The following GNG4 variants were observed in gnomAD, a reference collection of about 807,000 sequenced individuals.
GNG4 encodes guanine nucleotide-binding protein G(I)/G(S)/G(O) subunit gamma-4.
GNG4 carries 4 observed loss-of-function variants against 5.8 expected under a neutral mutation model. That is an observed-to-expected ratio of 0.69 (90% CI 0.34 to 1.57). The LOEUF (loss-of-function observed/expected upper bound fraction) is 1.57, where lower values mean the gene tolerates loss of function less well. Among genes scored for constraint, GNG4 ranks in the 40% most tolerant of loss-of-function variants. The pLI is 0.06. For missense variants in GNG4, 96 were observed against 95.1 expected (o/e 1.01, Z -0.04); for synonymous variants, 29 against 32.9 (o/e 0.88, Z 0.41).
chr1:235,571,462 C>G (rs1301356626), intron 3 of GNG4, among the ~76,000 whole-genome samples: 1 of 152,194 alleles, frequency 6.6e-6, no homozygotes, highest in African/African-American at 2.4e-5. Flanking sequence ...CAGAACAACG[C>G]GTATTAAGCA....
At chr1:235,587,439 TGAGC>T (rs1687812080) in intron 2 of GNG4, among the ~76,000 whole-genome samples, 8 of 18,130 alleles carry the variant, frequency 4.4e-4, no homozygotes, top group Non-Finnish European at 7.8e-4. Context: ...TGAGGGTGGG[TGAGC>T]GTGTGTGAGG....
chr1:235,593,642 G>A (rs1688043737), intron 2 of GNG4, among the ~76,000 whole-genome samples: 1 of 152,172 alleles, frequency 6.6e-6, no homozygotes, highest in African/African-American at 2.4e-5. Context: ...TACTGCTGAT[G>A]TTCGGATATG....
chr1:235,602,902 C>G (rs1451371940), intron 1 of GNG4, among the ~76,000 whole-genome samples: 2 of 152,126 alleles, frequency 1.3e-5, no homozygotes, highest in Non-Finnish European at 2.9e-5. Flanking sequence ...GAGTTGACAT[C>G]TTGGCATTCC....
intron 1 of GNG4, among the ~76,000 whole-genome samples, chr1:235,622,873 C>CAAAAA (rs59428350): frequency 3.0e-5 from 2 of 66,672 alleles, no homozygotes; most frequent in Non-Finnish European, 4.9e-5. Context: ...GACTCCATCT[C>CAAAAA]AAAAAAAAAA....
chr1:235,592,160 C>T (rs372027151), intron 2 of GNG4, among the ~76,000 whole-genome samples: 11 of 152,302 alleles, frequency 7.2e-5, no homozygotes, highest in African/African-American at 2.6e-4. Flanking sequence ...GCACAGAGAC[C>T]TCAGATGAGG....
At chr1:235,635,781 A>C (rs1340428561) in intron 1 of GNG4, among the ~76,000 whole-genome samples, 3 of 152,204 alleles carry the variant, frequency 2.0e-5, no homozygotes, top group Non-Finnish European at 4.4e-5. Flanking sequence ...TCAGTAACAT[A>C]CTTAAATTCA....
At chr1:235,608,535 C>A (rs1688410966) in intron 1 of GNG4, among the ~76,000 whole-genome samples, 1 of 152,200 alleles carries the variant, frequency 6.6e-6, no homozygotes, top group Admixed American at 6.5e-5. Flanking sequence ...TCACTTCCCG[C>A]TCCTCCCAGA....
intron 2 of GNG4, among the ~76,000 whole-genome samples, chr1:235,590,195 C>T (rs752453262): frequency 6.6e-6 from 1 of 152,128 alleles, no homozygotes; most frequent in Non-Finnish European, 1.5e-5. Context: ...TGGCTCATGC[C>T]TGTAATTCCA....
intron 1 of GNG4, chr1:235,616,460 G>C: frequency 4.2e-6 from 1 of 239,948 alleles, no homozygotes; most frequent in Non-Finnish European, 8.2e-6. Context: ...TCCCTGGCCT[G>C]AGGACTCGCC....
At position 235,563,403 on chromosome 1, in the gene GNG4, C is replaced by CA. The variant is rs57471662; in HGVS notation, c.100-11167dup. ...CCTGGACAACAGAGTGAAACTGTCT[C>CA]AAAAAAAAAAAAAAAAAAAAAAAAA... On this transcript the variant is annotated intron_variant, in intron 3 of 3. Coordinates refer to ENST00000391854, the MANE Select transcript of GNG4 (RefSeq NM_001098722.2). Among the ~76,000 whole-genome samples the CA allele has an allele frequency of 9.9e-3, 518 of 52,404 alleles. 60 individuals carry two copies. The highest frequency in any genetic ancestry group is 0.02 in the South Asian group (17 of 868). The allele number at this position is 52,404 out of a possible 152,430, so 34.4% of individuals were successfully genotyped here.
At position 235,606,045 on chromosome 1, in the gene GNG4, A is replaced by G. The variant is rs368006871; in HGVS notation, c.-122-10534T>C. ...GGCCTCAGCCTCCCAAGTAGCTGGGATTATAGGCGTACCACCATGCTCTGC... is the reference window on the plus strand; with the variant it reads ...GGCCTCAGCCTCCCAAGTAGCTGGGGTTATAGGCGTACCACCATGCTCTGC... On this transcript the variant is annotated intron_variant, in intron 1 of 3. Coordinates refer to ENST00000391854, the MANE Select transcript of GNG4 (RefSeq NM_001098722.2). Among the ~76,000 whole-genome samples the G allele has an allele frequency of 7.3e-5, 11 of 151,312 alleles. No individual in the cohort carries two copies. In the East Asian group the frequency reaches 1.6e-3, roughly 21 times the overall value.
At chr1:235,640,228 T>A (rs1195218213) in intron 1 of GNG4, among the ~76,000 whole-genome samples, 3 of 152,034 alleles carry the variant, frequency 2.0e-5, no homozygotes, top group African/African-American at 7.2e-5. Context: ...CGGGAGAGGC[T>A]GGCATAGGAC....
At chr1:235,630,263 C>T (rs1450830863) in intron 1 of GNG4, among the ~76,000 whole-genome samples, 3 of 152,162 alleles carry the variant, frequency 2.0e-5, no homozygotes, top group Non-Finnish European at 4.4e-5. Context: ...TTCTTCAAGA[C>T]ATTCAAGAAT....
intron 3 of GNG4, among the ~76,000 whole-genome samples, chr1:235,582,081 T>C (rs797019869): frequency 6.6e-6 from 1 of 152,336 alleles, no homozygotes; most frequent in South Asian, 2.1e-4. Context: ...TTACTCTCCA[T>C]GTTCTGTTGA....
chr1:235,591,108 C>G (rs1687950893), intron 2 of GNG4, among the ~76,000 whole-genome samples: 1 of 152,140 alleles, frequency 6.6e-6, no homozygotes, highest in African/African-American at 2.4e-5. Flanking sequence ...AGGTCCGGTT[C>G]CAATCCTCTT....
rs386417904 is a variant in GNG4, at chr1:235,597,588, CTGTGTG to C, written c.-122-2083_-122-2078del. Reference sequence around the variant, plus strand: ...TTTGTTTTTTTTTTTAACTTGTTTGCTGTGTGTGTGTGTGTGTGTGTGTGTGTGTGT... The same window carrying C: ...TTTGTTTTTTTTTTTAACTTGTTTGCTGTGTGTGTGTGTGTGTGTGTGTGT... On this transcript the variant is annotated intron_variant, in intron 1 of 3. Coordinates refer to ENST00000391854, the MANE Select transcript of GNG4 (RefSeq NM_001098722.2). Among the ~76,000 whole-genome samples, 231 of 74,252 alleles carry C rather than the reference CTGTGTG, an allele frequency of 3.1e-3. 4 individuals carry two copies. The highest frequency in any genetic ancestry group is 0.017 in the Middle Eastern group (2 of 120). 48.7% of individuals were successfully genotyped at this position (74,252 alleles called of 152,430 possible).
chr1:235,593,742 G>A (rs368002800), intron 2 of GNG4, among the ~76,000 whole-genome samples: 5 of 152,138 alleles, frequency 3.3e-5, no homozygotes, highest in South Asian at 2.1e-4. Context: ...CAGCTCTTAA[G>A]GCGGCGCGTC....
intron 1 of GNG4, among the ~76,000 whole-genome samples, chr1:235,601,796 T>G (rs1049862179): frequency 1.1e-4 from 16 of 152,234 alleles, no homozygotes; most frequent in African/African-American, 3.9e-4. Context: ...AGATATCATT[T>G]GGGGACCTCT....
At chr1:235,570,880 G>A (rs1051007035) in intron 3 of GNG4, among the ~76,000 whole-genome samples, 6 of 143,324 alleles carry the variant, frequency 4.2e-5, no homozygotes, top group South Asian at 2.3e-4. Context: ...GTGTGTGTGT[G>A]TATATGTATG....
Sources: gnomAD v4.1 joint callset for allele counts (sites outside exome capture counted in the v4.1 genomes callset) on GRCh38, gnomAD v4.1.1 for gene constraint, MANE v1.5 for transcripts, NCBI Gene and HGNC (gene_info 2026-07-23, HGNC 2026-07-21) for gene names.